CFAP65: variants seen among roughly 807,000 people sequenced by gnomAD.
CFAP65 encodes the protein cilia- and flagella-associated protein 65.
CFAP65 carries 155 observed loss-of-function variants against 208.0 expected under a neutral mutation model. That is an observed-to-expected ratio of 0.75 (90% CI 0.65 to 0.85). The LOEUF (loss-of-function observed/expected upper bound fraction) is 0.85, where lower values mean the gene tolerates loss of function less well. CFAP65 is among the 40% of genes least tolerant of loss of function. The probability of loss-of-function intolerance (pLI) is 0.00; values close to 1 mark genes in which losing one functional copy is unlikely to be tolerated. For missense variants in CFAP65, 2,294 were observed against 2,451.3 expected (o/e 0.94, Z 1.36); for synonymous variants, 970 against 986.3 (o/e 0.98, Z 0.31).
At chr2:219,022,114 C>T (rs984847905) in intron 17 of CFAP65, 57 bp downstream of exon 17, 1 of 1,517,882 alleles carries the variant, frequency 6.6e-7, no homozygotes, top group Non-Finnish European at 8.8e-7. Flanking sequence ...GGGGCCTTCC[C>T]TCCCACCTGT....
At chr2:219,007,012 A>G (rs563520206) in intron 29 of CFAP65, among the ~76,000 whole-genome samples, 1 of 152,152 alleles carries the variant, frequency 6.6e-6, no homozygotes, top group Non-Finnish European at 1.5e-5. Flanking sequence ...ATGCCATCAA[A>G]TGTAGGCGGG....
rs1231087073 is a variant in CFAP65, at chr2:219,030,111, T to C, written c.1259A>G (p.Glu420Gly). The C allele has an allele frequency of 7.4e-6, 12 of 1,613,884 alleles. No homozygotes were observed. Among genetic ancestry groups the C allele is most frequent in the Middle Eastern group, 3.3e-4 (2 of 6,084 alleles). ...PTAHGIVLPG[E>G]KKCVSVFFHP... is the part of the protein sequence containing the mutation. ...GAAGAACACCGACACACATTTCTTCTCTCCCGGAAGCACGATGCCATGGGC... is the reference window on the plus strand; with the variant it reads ...GAAGAACACCGACACACATTTCTTCCCTCCCGGAAGCACGATGCCATGGGC... Residue 420 changes from glutamate to glycine, a missense_variant, in exon 10 of 35, where the codon GAG (glutamate) becomes GGG (glycine). This residue lies in a region of CFAP65 where 867 missense variants were observed against 1,012.6 expected (regional missense o/e 0.86). Transcript: ENST00000341552.
intron 13 of CFAP65, chr2:219,026,661 C>CT (rs11453796): frequency 0.14 from 43,893 of 310,218 alleles, 4,483 homozygotes; most frequent in African/African-American, 0.37. Context: ...CATACTAAGT[C>CT]TTGAAATCCA....
chr2:219,004,937 TTC>T lies in CFAP65; in HGVS notation c.5052-484_5052-483del, dbSNP rs1400571287. Among the ~76,000 whole-genome samples, 4 of 127,122 alleles carry T rather than the reference TTC, an allele frequency of 3.1e-5. No individual in the cohort carries two copies. Among genetic ancestry groups the T allele is most frequent in the Non-Finnish European group, 6.0e-5 (4 of 66,868 alleles). The allele number at this position is 127,122 out of a possible 152,430, so 83.4% of individuals were successfully genotyped here. The stretch of plus-strand genomic sequence containing the variant: ...TTTCTCTCTCTTTCTCTCCTCTTTT[TTC>T]TTTCTTTCTTTCTTTCTTTCTCTCT... On this transcript the variant is annotated intron_variant, in intron 32 of 34. Coordinates refer to ENST00000341552, the MANE Select transcript of CFAP65 (RefSeq NM_194302.4). This position sits in a 1 kb window ranked among gnomAD's most constrained non-coding sequence, Gnocchi z 4.7.
At chr2:219,041,434 A>T (rs1574673458) in intron 1 of CFAP65, 54 bp downstream of exon 1, 1 of 1,544,636 alleles carries the variant, frequency 6.5e-7, no homozygotes, top group Admixed American at 2.0e-5. Flanking sequence ...TTCCCTGGCC[A>T]CTCGCGCCGC....
At chr2:219,033,999 G>A (rs1162148888) in intron 5 of CFAP65, 2 of 152,052 alleles carry the variant, frequency 1.3e-5, no homozygotes, top group Non-Finnish European at 2.9e-5. Context: ...TAAAAAATAT[G>A]TCATATATAA....
Position 219,031,312 on chromosome 2 carries a change from G to A in CFAP65, c.816-7C>T, listed in dbSNP as rs746787512. ...GAAGAAGGTGGGCAGGTCCCTGGGG[G>A]TGGGGGGCAGGTCAGGGCACTGGGC... On this transcript the variant is annotated splice_region_variant and splice_polypyrimidine_tract_variant and intron_variant, in intron 7 of 34. Transcript: ENST00000341552. The surrounding 1 kb of genome is among the most constrained non-coding windows in gnomAD (Gnocchi z 5.2). The A allele has an allele frequency of 6.2e-7, 1 of 1,613,314 alleles. No homozygotes were observed. Among genetic ancestry groups the A allele is most frequent in the Non-Finnish European group, 8.5e-7 (1 of 1,179,420 alleles).
chr2:219,009,115 G>A lies in CFAP65; in HGVS notation c.4606C>T (p.Leu1536=). The change falls in exon 29 of 35, where the codon CTG becomes TTG. Residue 1536 remains leucine, a synonymous_variant. Transcript: ENST00000341552. ...ACCTTCTCGTCCTTCCACTCCTGCA[G>A]CTCCTTGTGATACTGCCTCATGAGC... ...QQLMRQYHKE[L]QEWKDEKVRQ... The A allele has an allele frequency of 1.2e-6, 2 of 1,612,940 alleles. No homozygotes were observed. The highest frequency in any genetic ancestry group is 1.7e-6 in the Non-Finnish European group (2 of 1,179,956).
Position 219,035,578 on chromosome 2 carries a change from A to C in CFAP65, c.444T>G (p.Ala148=), listed in dbSNP as rs77746575. The change falls in exon 5 of 35, where the codon GCT becomes GCG. Residue 148 remains alanine (A), a synonymous_variant. Transcript: ENST00000341552. The part of the protein sequence containing the change: ...NKRVIWGIEV[A]EELHWKGWEL... ...CCCAGCCTTTCCAATGCAGCTCCTC[A>C]GCCACCTCAATGCCCCAGATGACCC... The C allele has an allele frequency of 7.4e-4, 1,198 of 1,614,016 alleles. 1 individual carries two copies. The highest frequency in any genetic ancestry group is 9.3e-4 in the South Asian group (85 of 91,066).
In CFAP65 at chr2:219,004,226, C is replaced by A; in HGVS notation, c.5281G>T (p.Glu1761Ter). Residue 1761 changes from glutamate (E) to a stop codon, truncating the protein, a stop_gained, in exon 33 of 35, where the codon GAA becomes TAA. Coordinates refer to ENST00000341552, the MANE Select transcript of CFAP65 (RefSeq NM_194302.4). LOFTEE classifies it high-confidence loss of function. The surrounding 1 kb of genome is among the most constrained non-coding windows in gnomAD (Gnocchi z 4.7). The part of the protein sequence containing the change: ...PEHYPGLGKK[E>*]EGEEEKGEEE... ...TCACCCTTCTCCTCCTCCCCCTCTT[C>A]CTTCTTTCCCAACCCTGGATAGTGC... 6.2e-7 allele frequency: 1 copy of A among 1,614,064 alleles called. No individual in the cohort carries two copies. Among genetic ancestry groups the A allele is most frequent in the South Asian group, 1.1e-5 (1 of 91,074 alleles).
At position 219,030,865 on chromosome 2, in the gene CFAP65, A is replaced by G. The variant is rs1325234640; in HGVS notation, c.1016-31T>C. 1.9e-6 allele frequency: 3 copies of G among 1,604,750 alleles called. No homozygotes were observed. In the African/African-American group the frequency reaches 4.0e-5, roughly 21 times the overall value. ...GCAGAGATGGGGGAGTCTTGGGGGA[A>G]CCCACCAGGGCCTCTGTGGCCCCAG... On this transcript the variant is annotated intron_variant, in intron 8 of 34. Coordinates refer to ENST00000341552, the MANE Select transcript of CFAP65 (RefSeq NM_194302.4).
rs4674354 is a variant in CFAP65, at chr2:219,039,001, C to T, written c.48G>A (p.Val16=). 0.74 allele frequency: 1,186,216 copies of T among 1,612,402 alleles called. 441,936 individuals are homozygous for T. Among genetic ancestry groups the T allele is most frequent in the Non-Finnish European group, 0.77 (904,606 of 1,179,046 alleles). Residue 16 remains valine (V), a synonymous_variant, in exon 3 of 35, where the codon GTG becomes GTA. Transcript: ENST00000341552. ...AGGCAAATGAGACTGATGGATTCTC[C>T]ACCTTCTGGGTTTTCTCCACCAGTC... ...GCRLVEKTQK[V]ENPSVSFASS... is the part of the protein sequence containing the mutation.
At chr2:219,039,156 T>TACAA in intron 2 of CFAP65, 106 bp from the exon 3 acceptor site, 2 of 996,734 alleles carry the variant, frequency 2.0e-6, no homozygotes, top group Non-Finnish European at 1.5e-6. Context: ...CATATATTTG[T>TACAA]ATATATGCCA....
intron 18 of CFAP65, 53 bp from the exon 19 acceptor site, chr2:219,021,333 C>A: frequency 6.7e-7 from 1 of 1,495,456 alleles, no homozygotes; most frequent in Non-Finnish European, 8.9e-7. Flanking sequence ...CCAGCCATTC[C>A]TCCTGCTCCT....
chr2:219,018,708 C>T, intron 21 of CFAP65: 1 of 275,538 alleles, frequency 3.6e-6, no homozygotes. Flanking sequence ...GAGTTTCCCA[C>T]AGGATTGGAG....
rs1430945351 is a variant in CFAP65 at position 219,027,658 on chromosome 2, T to C, written c.2203A>G (p.Ile735Val). The C allele has an allele frequency of 1.2e-6, 2 of 1,613,850 alleles. No individual in the cohort carries two copies. The highest frequency in any genetic ancestry group is 1.7e-6 in the Non-Finnish European group (2 of 1,180,030). ...TCATTGCGTGCACACACCTTATAGA[T>C]GGCGAAGGCTTCGAGCTCCACCGTG... Reference protein sequence around the residue: ...LYTVELEAFAIYKVLQSYSNI... With the variant: ...LYTVELEAFAVYKVLQSYSNI... Residue 735 changes from isoleucine to valine, a missense_variant, in exon 13 of 35, where the codon ATC (isoleucine) becomes GTC (valine). Ile to Val is a conservative substitution (Grantham distance 29). Around this residue, in one of 2 missense-constraint regions of CFAP65, gnomAD observed 867 missense variants for 1,012.6 expected, o/e 0.86. Transcript: ENST00000341552.
chr2:219,031,273 G>T lies in CFAP65; in HGVS notation c.848C>A (p.Ser283Tyr), dbSNP rs368823962. 1.2e-4 allele frequency: 192 copies of T among 1,613,984 alleles called. No individual in the cohort carries two copies. The highest frequency in any genetic ancestry group is 1.6e-4 in the Non-Finnish European group (184 of 1,179,954). ...DLPTFFTWEF[S>Y]SPFQMLPATG... ...GGCGGGCAGCATCTGGAATGGGCTG[G>T]AGAACTCCCAGGTGAAGAAGGTGGG... is the stretch of plus-strand genomic sequence containing the variant. The change falls in exon 8 of 35, where the codon TCC becomes TAC. Residue 283 changes from serine (S) to tyrosine (Y), a missense_variant. Physicochemically the swap from Ser to Tyr is moderately radical, Grantham distance 144. Around this residue, in one of 2 missense-constraint regions of CFAP65, gnomAD observed 867 missense variants for 1,012.6 expected, o/e 0.86. Transcript: ENST00000341552. This position sits in a 1 kb window ranked among gnomAD's most constrained non-coding sequence, Gnocchi z 5.2.
intron 12 of CFAP65, 86 bp from the exon 13 acceptor site, chr2:219,028,095 C>T: frequency 1.3e-6 from 2 of 1,551,618 alleles, no homozygotes; most frequent in South Asian, 1.2e-5. Context: ...TCTAGAAAGG[C>T]TACACCAGTC....
At chr2:219,011,744 G>A (rs1249266739) in intron 24 of CFAP65, among the ~76,000 whole-genome samples, 2 of 152,168 alleles carry the variant, frequency 1.3e-5, no homozygotes, top group African/African-American at 4.8e-5. Flanking sequence ...AGAGAATAGA[G>A]TCCATCTGGA....
Sources: gnomAD v4.1 joint callset for allele counts (sites outside exome capture counted in the v4.1 genomes callset) on GRCh38, gnomAD v4.1.1 for gene constraint, gnomAD v4.1.1 regional missense constraint, Gnocchi (gnomAD v3.1) non-coding constraint, MANE v1.5 for transcripts, NCBI Gene and HGNC (gene_info 2026-07-23, HGNC 2026-07-21) for gene names.